Variants in GABRB2 observed in about 807,000 individuals in gnomAD.
The protein encoded by GABRB2 is gamma-aminobutyric acid type A receptor subunit beta2, also known as gamma-aminobutyric acid receptor subunit beta-2.
A neutral mutation model predicts 54.7 loss-of-function variants in GABRB2; 16 were observed. The observed-to-expected ratio is 0.29, with a 90% CI of 0.20 to 0.44. The LOEUF (loss-of-function observed/expected upper bound fraction) is 0.44, where lower values mean the gene tolerates loss of function less well. Ranked by LOEUF, GABRB2 falls within the 20% of genes least tolerant of loss-of-function variation. The pLI, the probability that GABRB2 is intolerant of heterozygous loss-of-function variation, is 1.00. For synonymous variants in GABRB2, 244 were observed against 233.8 expected, an observed-to-expected ratio of 1.04 and a Z score of -0.40; for missense variants, 355 against 644.0, an observed-to-expected ratio of 0.55 and a Z score of 4.86.
At chr5:161,453,001 C>CA (rs1357193167) in intron 4 of GABRB2, among the ~76,000 whole-genome samples, 3 of 152,052 alleles carry the variant, frequency 2.0e-5, no homozygotes, top group African/African-American at 7.2e-5. Context: ...GTCTCACACA[C>CA]AAAAAAATTT....
chr5:161,311,003 G>A (rs1313440393), intron 9 of GABRB2, among the ~76,000 whole-genome samples: 3 of 152,004 alleles, frequency 2.0e-5, no homozygotes, highest in African/African-American at 4.8e-5. Context: ...CTCGTGATCT[G>A]CCCGCCTCGG....
At chr5:161,419,926 A>G (rs1756800289) in intron 4 of GABRB2, among the ~76,000 whole-genome samples, 1 of 152,228 alleles carries the variant, frequency 6.6e-6, no homozygotes, top group Non-Finnish European at 1.5e-5. Flanking sequence ...ATATATCCAC[A>G]TAAGAAACCT....
chr5:161,481,521 T>G (rs1485572934), intron 3 of GABRB2, among the ~76,000 whole-genome samples: 2 of 152,064 alleles, frequency 1.3e-5, no homozygotes, highest in African/African-American at 4.8e-5. Context: ...ATATGTTACC[T>G]ACTTCCATAC....
chr5:161,410,889 G>T (rs1237442158), intron 5 of GABRB2, 86 bp downstream of exon 5: 2 of 978,372 alleles, frequency 2.0e-6, no homozygotes, highest in Non-Finnish European at 3.2e-6. Flanking sequence ...CAGGGCCTGT[G>T]GTCTGGACAT....
chr5:161,423,129 G>A (rs1756899150), intron 4 of GABRB2, among the ~76,000 whole-genome samples: 1 of 151,970 alleles, frequency 6.6e-6, no homozygotes, highest in Non-Finnish European at 1.5e-5. Flanking sequence ...TGTATTTGCA[G>A]GTTGTTTTTG....
intron 3 of GABRB2, among the ~76,000 whole-genome samples, chr5:161,499,259 C>G (rs1759355325): frequency 2.6e-5 from 4 of 152,160 alleles, no homozygotes; most frequent in Admixed American, 6.6e-5. Flanking sequence ...ATTTCTCTCT[C>G]TTATTTGAGA....
At chr5:161,435,248 A>G (rs1211062306) in intron 4 of GABRB2, among the ~76,000 whole-genome samples, 1 of 152,220 alleles carries the variant, frequency 6.6e-6, no homozygotes, top group Non-Finnish European at 1.5e-5. Context: ...GTTGGAACAC[A>G]CTTAAATATT....
chr5:161,478,333 C>T (rs1161615139), intron 3 of GABRB2, among the ~76,000 whole-genome samples: 1 of 152,004 alleles, frequency 6.6e-6, no homozygotes, highest in Non-Finnish European at 1.5e-5. Context: ...AGGTTGCATA[C>T]ATATTACCAT....
intron 4 of GABRB2, among the ~76,000 whole-genome samples, chr5:161,413,260 C>T (rs906382031): frequency 6.6e-6 from 1 of 151,956 alleles, no homozygotes; most frequent in African/African-American, 2.4e-5. Context: ...TATTTTATTA[C>T]ATTATTTCTC....
At chr5:161,396,654 GAGAGTATCACC>G (rs1756012035) in intron 5 of GABRB2, among the ~76,000 whole-genome samples, 1 of 152,102 alleles carries the variant, frequency 6.6e-6, no homozygotes, top group Non-Finnish European at 1.5e-5. Flanking sequence ...AAATAAATGA[GAGAGTATCACC>G]AGCATAGTTG....
intron 7 of GABRB2, among the ~76,000 whole-genome samples, chr5:161,332,884 G>A (rs778717162): frequency 2.0e-5 from 3 of 151,670 alleles, no homozygotes; most frequent in East Asian, 1.9e-4. Flanking sequence ...TTCTGAGCAC[G>A]CCCATAAAAC....
At chr5:161,375,588 A>G (rs530947319) in intron 5 of GABRB2, among the ~76,000 whole-genome samples, 185 of 152,302 alleles carry the variant, frequency 1.2e-3, no homozygotes, top group African/African-American at 4.2e-3. Context: ...GAACAACATT[A>G]TAGCAAGAGT....
chr5:161,373,431 G>A (rs963054023), intron 5 of GABRB2, among the ~76,000 whole-genome samples: 5 of 152,104 alleles, frequency 3.3e-5, no homozygotes, highest in Admixed American at 2.0e-4. Context: ...CCAGAACCAT[G>A]CTCTTTTGGG....
At chr5:161,358,433 G>A (rs776027618) in intron 5 of GABRB2, among the ~76,000 whole-genome samples, 1 of 152,116 alleles carries the variant, frequency 6.6e-6, no homozygotes, top group Non-Finnish European at 1.5e-5. Context: ...AAAAGTGGGG[G>A]GAATAAGTGG....
At chr5:161,395,530 AGAC>A (rs919519667) in intron 5 of GABRB2, among the ~76,000 whole-genome samples, 2 of 150,058 alleles carry the variant, frequency 1.3e-5, no homozygotes, top group Non-Finnish European at 2.9e-5. Flanking sequence ...AAAAAAAGGC[AGAC>A]ATTTATTATG....
chr5:161,443,669 G>T (rs952872465), intron 4 of GABRB2, among the ~76,000 whole-genome samples: 1 of 152,160 alleles, frequency 6.6e-6, no homozygotes, highest in Non-Finnish European at 1.5e-5. Flanking sequence ...TTTCACACCT[G>T]TGTTGTTGTT....
intron 3 of GABRB2, among the ~76,000 whole-genome samples, chr5:161,481,625 TAATAG>T (rs1758764775): frequency 6.6e-6 from 1 of 152,044 alleles, no homozygotes; most frequent in Admixed American, 6.6e-5. Flanking sequence ...AGAAGGATGC[TAATAG>T]TATACAGTTC....
intron 5 of GABRB2, among the ~76,000 whole-genome samples, chr5:161,381,356 A>C (rs967227175): frequency 7.9e-5 from 12 of 152,180 alleles, no homozygotes; most frequent in Non-Finnish European, 1.8e-4. Flanking sequence ...ACATCCTTAT[A>C]ATGACAGCAG....
intron 3 of GABRB2, among the ~76,000 whole-genome samples, chr5:161,466,970 G>T (rs1758299366): frequency 6.6e-6 from 1 of 151,926 alleles, no homozygotes; most frequent in Non-Finnish European, 1.5e-5. Flanking sequence ...GCAGGGTAAG[G>T]GGTTGGTTTC....
Sources: gnomAD v4.1 joint callset for allele counts (sites outside exome capture counted in the v4.1 genomes callset) on GRCh38, gnomAD v4.1.1 for gene constraint, MANE v1.5 for transcripts, NCBI Gene and HGNC (gene_info 2026-07-23, HGNC 2026-07-21) for gene names.